NRIP3: variants seen among roughly 807,000 people sequenced by gnomAD.
The protein encoded by NRIP3 is nuclear receptor-interacting protein 3.
NRIP3 carries 31 observed loss-of-function variants against 29.0 expected under a neutral mutation model. The observed-to-expected ratio is 1.07, with a 90% CI of 0.80 to 1.44. NRIP3 has a LOEUF of 1.44. Ranked by LOEUF, NRIP3 falls within the 40% of genes most tolerant of loss-of-function variation. NRIP3 has a pLI of 0.00. For missense variants in NRIP3, 314 were observed against 297.9 expected, an observed-to-expected ratio of 1.05 and a Z score of -0.40; for synonymous variants, 131 against 118.3, an observed-to-expected ratio of 1.11 and a Z score of -0.70.
chr11:9,000,883 A>C (rs1477613612), intron 1 of NRIP3, among the ~76,000 whole-genome samples: 4 of 152,170 alleles, frequency 2.6e-5, no homozygotes, highest in African/African-American at 4.8e-5. Flanking sequence ...AGCCTGGGCA[A>C]TATGGCAAAA....
intron 4 of NRIP3, among the ~76,000 whole-genome samples, chr11:8,984,415 A>AC (rs1368428218): frequency 2.6e-5 from 4 of 152,054 alleles, no homozygotes; most frequent in Non-Finnish European, 5.9e-5. Flanking sequence ...AGCACCCACC[A>AC]CCACGCTTGG....
chr11:8,987,168 A>G (rs1247291077), intron 3 of NRIP3, among the ~76,000 whole-genome samples: 1 of 152,156 alleles, frequency 6.6e-6, no homozygotes. Flanking sequence ...AAGCCCCACC[A>G]CATCCCTACT....
At chr11:8,984,937 T>A (rs1424457891) in intron 4 of NRIP3, among the ~76,000 whole-genome samples, 2 of 149,242 alleles carry the variant, frequency 1.3e-5, no homozygotes, top group African/African-American at 4.9e-5. Context: ...CTGCAAGCTC[T>A]GCCTCTCGGG....
At chr11:8,990,545 G>A (rs1186608006) in intron 1 of NRIP3, among the ~76,000 whole-genome samples, 1 of 152,088 alleles carries the variant, frequency 6.6e-6, no homozygotes, top group Non-Finnish European at 1.5e-5. Flanking sequence ...CAACACTTTG[G>A]AAGGCCGAGG....
At chr11:8,987,509 G>A in intron 3 of NRIP3, 39 bp downstream of exon 3, 2 of 1,391,336 alleles carry the variant, frequency 1.4e-6, no homozygotes, top group Non-Finnish European at 2.0e-6. Context: ...GAAGAGTACA[G>A]TCACATCTAA....
rs751338383 is a variant in NRIP3, at chr11:8,985,794, C to T, written c.479G>A (p.Arg160Gln). 1.9e-5 allele frequency: 31 copies of T among 1,614,076 alleles called. No homozygotes were observed. In the Admixed American group the frequency reaches 2.2e-4, roughly 11 times the overall value. ...KHEGEKLSLP[R>Q]HLKVVGQIEH... ...AATCTGGCCCACTACTTTGAGATGCCGGGGTAGAGAAAGCTTTTCTCCTTC... is the reference window on the plus strand; with the variant it reads ...AATCTGGCCCACTACTTTGAGATGCTGGGGTAGAGAAAGCTTTTCTCCTTC... The change falls in exon 4 of 7, where the codon CGG becomes CAG. Residue 160 changes from arginine (R) to glutamine (Q), a missense_variant. Coordinates refer to ENST00000309166, the MANE Select transcript of NRIP3 (RefSeq NM_020645.3).
chr11:8,994,304 A>G (rs1404881975), intron 1 of NRIP3, among the ~76,000 whole-genome samples: 2 of 152,240 alleles, frequency 1.3e-5, no homozygotes, highest in African/African-American at 2.4e-5. Flanking sequence ...TTTTTTGCCC[A>G]TATCTTCTTG....
At chr11:9,000,771 TA>T (rs11449994) in intron 1 of NRIP3, among the ~76,000 whole-genome samples, 19 of 149,604 alleles carry the variant, frequency 1.3e-4, no homozygotes, top group Middle Eastern at 3.4e-3. Flanking sequence ...TTCACTGAGT[TA>T]AAAAAAAAAA....
intron 1 of NRIP3, among the ~76,000 whole-genome samples, chr11:8,993,420 A>G (rs900258179): frequency 6.6e-6 from 1 of 152,226 alleles, no homozygotes. Context: ...ATAAATGCTT[A>G]TTTGACCCAA....
In NRIP3 at chr11:8,983,425, A is replaced by T. The variant is rs1048238159; in HGVS notation, c.*120T>A. 3.8e-5 allele frequency: 32 copies of T among 849,786 alleles called. No individual in the cohort carries two copies. The highest frequency in any genetic ancestry group is 5.8e-5 in the Non-Finnish European group (31 of 531,718). The allele number at this position is 849,786 out of a possible 1,614,324, so 52.6% of individuals were successfully genotyped here. On this transcript the variant is annotated 3_prime_UTR_variant, in exon 7 of 7. Transcript: ENST00000309166. ...ATGGGAAGGAGCCCCTGGAGCTTCT[A>T]TTAGATGGAAGGACTTGGTCCACAG...
At chr11:8,990,889 T>C (rs1005322390) in intron 1 of NRIP3, among the ~76,000 whole-genome samples, 11 of 152,122 alleles carry the variant, frequency 7.2e-5, no homozygotes, top group African/African-American at 2.4e-4. Flanking sequence ...TCCCAACAAA[T>C]AATGACCATT....
chr11:8,991,072 C>A (rs764214403), intron 1 of NRIP3, among the ~76,000 whole-genome samples: 24 of 152,070 alleles, frequency 1.6e-4, no homozygotes, highest in Non-Finnish European at 1.0e-4. Context: ...GAGGCCAAGG[C>A]GGGTGGATCA....
upstream of NRIP3, chr11:9,004,097 A>G: frequency 5.5e-6 from 3 of 549,936 alleles, no homozygotes; most frequent in Non-Finnish European, 8.3e-6. Context: ...CACAGAGTCC[A>G]CGCCCCGCGC....
At position 8,983,453 on chromosome 11, in the gene NRIP3, A is replaced by C. The variant is rs1214867491; in HGVS notation, c.*92T>G. The stretch of plus-strand genomic sequence containing the variant: ...AGATGGAAGGACTTGGTCCACAGCA[A>C]GTCACTACGGCATTTGGTTCAAACC... On this transcript the variant is annotated 3_prime_UTR_variant, in exon 7 of 7. Coordinates refer to ENST00000309166, the MANE Select transcript of NRIP3 (RefSeq NM_020645.3). 8.1e-7 allele frequency: 1 copy of C among 1,229,956 alleles called. No homozygotes were observed. The highest frequency in any genetic ancestry group is 1.2e-6 in the Non-Finnish European group (1 of 852,866). 76.2% of individuals were successfully genotyped at this position (1,229,956 alleles called of 1,614,324 possible).
At chr11:9,000,087 C>G (rs1479196583) in intron 1 of NRIP3, among the ~76,000 whole-genome samples, 1 of 152,142 alleles carries the variant, frequency 6.6e-6, no homozygotes, top group South Asian at 2.1e-4. Context: ...AGTAGGTACT[C>G]AATAAATATT....
At chr11:8,985,959 A>C in intron 3 of NRIP3, 109 bp from the exon 4 acceptor site, 1 of 1,312,350 alleles carries the variant, frequency 7.6e-7, no homozygotes, top group Non-Finnish European at 1.1e-6. Flanking sequence ...ATCTCCTGGG[A>C]TTAATCTACC....
At position 8,990,826 on chromosome 11, in the gene NRIP3, ATAAAAT is replaced by A. The variant is rs1854586611; in HGVS notation, c.175-2550_175-2545del. On this transcript the variant is annotated intron_variant, in intron 1 of 6. Coordinates refer to ENST00000309166, the MANE Select transcript of NRIP3 (RefSeq NM_020645.3). ...AATAAATGAACAAATACATAAATAA[ATAAAAT>A]TAAAAGCAAAAACCTCCCCAATCTC... Among the ~76,000 whole-genome samples the A allele has an allele frequency of 4.6e-5, 7 of 152,126 alleles. 1 individual carries two copies. The South Asian group carries it at 1.5e-3, about 32-fold the overall frequency.
chr11:8,985,062 G>T (rs1854489935), intron 4 of NRIP3, among the ~76,000 whole-genome samples: 1 of 152,016 alleles, frequency 6.6e-6, no homozygotes, highest in Non-Finnish European at 1.5e-5. Context: ...TGTTGGTCAG[G>T]CTGGTCTCGA....
At chr11:8,998,952 G>A (rs543186974) in intron 1 of NRIP3, among the ~76,000 whole-genome samples, 2 of 151,914 alleles carry the variant, frequency 1.3e-5, no homozygotes, top group East Asian at 3.9e-4. Context: ...ACAGGTGCCC[G>A]CCACCAGGCC....
Sources: allele counts gnomAD v4.1 joint callset (sites outside exome capture counted in the v4.1 genomes callset), GRCh38; gene constraint gnomAD v4.1.1; transcripts MANE v1.5; gene names NCBI Gene and HGNC (gene_info 2026-07-23, HGNC 2026-07-21).